Variants in MZF1 observed in about 807,000 individuals in gnomAD.
The protein encoded by MZF1 is myeloid zinc finger 1, also known as zinc finger and SCAN domain-containing protein 6.
MZF1 carries 24 observed loss-of-function variants against 28.6 expected under a neutral mutation model. The ratio of observed to expected loss-of-function variants is 0.84; its 90% CI spans 0.61 to 1.18. The LOEUF is 1.18. Ranked by LOEUF, MZF1 falls within the 50% of genes most tolerant of loss-of-function variation. MZF1 has a pLI of 0.00. For synonymous variants in MZF1, 516 were observed against 432.5 expected (o/e 1.19, Z -2.40); for missense variants, 1,166 against 1,026.4 (o/e 1.14, Z -1.86).
chr19:58,572,412 C>A (rs2054181819), intron 1 of MZF1: 1 of 527,830 alleles, frequency 1.9e-6, no homozygotes, highest in Non-Finnish European at 3.1e-6. Context: ...GGGAGCTTCG[C>A]AATGGGTGGG....
rs1269919855 is a variant in MZF1, at chr19:58,562,834, A to C, written c.1443T>G (p.Pro481=). Residue 481 remains proline, a synonymous_variant, in exon 6 of 6, where the codon CCT becomes CCG. Coordinates refer to ENST00000215057, the MANE Select transcript of MZF1 (RefSeq NM_198055.2). ...KPPAPPGAPE[P]PGPFPCSECR... ...ACTCGCTGCACGGAAAGGGGCCGGG[A>C]GGCTCGGGCGCACCAGGAGGGGCCG... 5 of 1,536,126 alleles carry C rather than the reference A, an allele frequency of 3.3e-6. No individual in the cohort carries two copies. Among genetic ancestry groups the C allele is most frequent in the Non-Finnish European group, 4.4e-6 (5 of 1,147,400 alleles).
At chr19:58,567,524 G>T (rs949158734) in intron 5 of MZF1, among the ~76,000 whole-genome samples, 3 of 152,270 alleles carry the variant, frequency 2.0e-5, no homozygotes, top group African/African-American at 4.8e-5. Flanking sequence ...GCTGGCAGGA[G>T]GCTGAAGTTA....
At position 58,563,003 on chromosome 19, in the gene MZF1, G is replaced by C; in HGVS notation, c.1274C>G (p.Ala425Gly). Reference sequence around the variant, plus strand: ...CACTCTCCGATGCTCTTCCAGGCGCGCGCTGCGCACGAAGCCCTGGCCACA... The same window carrying C: ...CACTCTCCGATGCTCTTCCAGGCGCCCGCTGCGCACGAAGCCCTGGCCACA... ...GDCGQGFVRSARLEEHRRVHT... is the reference protein window; with the variant it reads ...GDCGQGFVRSGRLEEHRRVHT... The change falls in exon 6 of 6, where the codon GCG becomes GGG. Residue 425 changes from alanine to glycine, a missense_variant. Transcript: ENST00000215057. 2 of 1,602,050 alleles carry C rather than the reference G, an allele frequency of 1.2e-6. No homozygotes were observed. The highest frequency in any genetic ancestry group is 1.7e-6 in the Non-Finnish European group (2 of 1,179,686).
At chr19:58,571,576 C>G in intron 1 of MZF1, 147 bp from the exon 2 acceptor site, 3 of 725,228 alleles carry the variant, frequency 4.1e-6, no homozygotes, top group Non-Finnish European at 6.6e-6. Context: ...CTACAACCCA[C>G]AGACTTATGC....
Position 58,571,409 on chromosome 19 carries a change from A to T in MZF1, c.-20T>A. ...CCTCATAGAGGGTACCAGGTCAGGT[A>T]TCTGAGGCCAGTGTCTGCCCCTGGT... On this transcript the variant is annotated 5_prime_UTR_variant, in exon 2 of 6. Transcript: ENST00000215057. 6.2e-7 allele frequency: 1 copy of T among 1,612,596 alleles called. No individual in the cohort carries two copies. Among genetic ancestry groups the T allele is most frequent in the South Asian group, 1.1e-5 (1 of 90,992 alleles).
In MZF1 at chr19:58,562,788, G is replaced by A. The variant is rs974082363; in HGVS notation, c.1489C>T (p.Arg497Cys). 8 of 1,534,232 alleles carry A rather than the reference G, an allele frequency of 5.2e-6. No individual in the cohort carries two copies. Among genetic ancestry groups the A allele is most frequent in the South Asian group, 4.7e-5 (4 of 84,266 alleles). Residue 497 changes from arginine to cysteine, a missense_variant, in exon 6 of 6, where the codon CGC becomes TGC. Coordinates refer to ENST00000215057, the MANE Select transcript of MZF1 (RefSeq NM_198055.2). ...CSECRESFAR[R>C]AVLLEHQAVH... Reference sequence around the variant, plus strand: ...GCCTGGTGCTCCAGCAGCACGGCGCGCCGCGCGAAGCTCTCGCGGCACTCG... The same window carrying A: ...GCCTGGTGCTCCAGCAGCACGGCGCACCGCGCGAAGCTCTCGCGGCACTCG...
In MZF1 at chr19:58,570,378, C is replaced by G; in HGVS notation, c.546G>C (p.Gln182His). ...CTGTAACCTCTGACTCCTCTTTCAC[C>G]TGCAGGCCCAGTGGTGATTCCTGCA... ...RTMQESPLGL[Q>H]VKEESEVTED... The change falls in exon 3 of 6, where the codon CAG becomes CAC. Residue 182 changes from glutamine (Q) to histidine (H), a missense_variant. Gln to His is a conservative substitution (Grantham distance 24). Coordinates refer to ENST00000215057, the MANE Select transcript of MZF1 (RefSeq NM_198055.2). The G allele has an allele frequency of 1.2e-6, 2 of 1,613,540 alleles. No homozygotes were observed. The highest frequency in any genetic ancestry group is 1.7e-6 in the Non-Finnish European group (2 of 1,179,562).
At position 58,563,303 on chromosome 19, in the gene MZF1, C is replaced by G. The variant is rs140195199; in HGVS notation, c.974G>C (p.Gly325Ala). 206 of 1,608,376 alleles carry G rather than the reference C, an allele frequency of 1.3e-4. No homozygotes were observed. The African/African-American group carries it at 2.7e-3, about 21-fold the overall frequency. Residue 325 changes from glycine (G) to alanine (A), a missense_variant, in exon 6 of 6, where the codon GGT becomes GCT. By Grantham distance (60) the Gly-to-Ala change is moderately conservative. Coordinates refer to ENST00000215057, the MANE Select transcript of MZF1 (RefSeq NM_198055.2). ...GGTGGTGATCAGAGCAGGGCCCACA[C>G]CCCGGCAGGGATCCTCGTCCGTGGG... ...QDPTDEDPCR[G>A]VGPALITTRW...
intron 5 of MZF1, chr19:58,564,581 T>C (rs2054002474): frequency 6.6e-6 from 1 of 152,252 alleles, no homozygotes; most frequent in Non-Finnish European, 1.5e-5. Context: ...TTCCACACCC[T>C]GACTGCAGGG....
intron 2 of MZF1, 50 bp downstream of exon 2, chr19:58,570,944 G>A (rs767907900): frequency 2.6e-5 from 40 of 1,542,038 alleles, no homozygotes; most frequent in Non-Finnish European, 3.4e-5. Context: ...GGGTGAGGCC[G>A]AGCTGGATGA....
intron 5 of MZF1, among the ~76,000 whole-genome samples, chr19:58,566,226 C>A (rs888656087): frequency 6.6e-6 from 1 of 151,388 alleles, no homozygotes; most frequent in African/African-American, 2.4e-5. Flanking sequence ...GTGGGCGGAT[C>A]ACCTGAGGTC....
At chr19:58,565,936 C>G (rs1156685823) in intron 5 of MZF1, among the ~76,000 whole-genome samples, 3 of 146,430 alleles carry the variant, frequency 2.0e-5, no homozygotes, top group African/African-American at 5.0e-5. Flanking sequence ...GTCAGGAGAT[C>G]GAGACCATCC....
intron 5 of MZF1, chr19:58,563,813 T>C (rs2053986459): frequency 3.8e-6 from 1 of 262,744 alleles, no homozygotes; most frequent in Non-Finnish European, 7.2e-6. Context: ...AGGTGGAAAA[T>C]GATGGTCTCA....
At position 58,562,427 on chromosome 19, in the gene MZF1, C is replaced by T. The variant is rs2053945517; in HGVS notation, c.1850G>A (p.Arg617Lys). 1.2e-6 allele frequency: 2 copies of T among 1,611,254 alleles called. No homozygotes were observed. The highest frequency in any genetic ancestry group is 1.7e-6 in the Non-Finnish European group (2 of 1,179,146). The change falls in exon 6 of 6, where the codon AGG (arginine) becomes AAG (lysine). Residue 617 changes from arginine (R) to lysine (K), a missense_variant. By Grantham distance (26) the Arg-to-Lys change is conservative. Coordinates refer to ENST00000215057, the MANE Select transcript of MZF1 (RefSeq NM_198055.2). ...SQRLKLTRHQRTHTGEKPYHC... is the reference protein window; with the variant it reads ...SQRLKLTRHQKTHTGEKPYHC... ...GTAGGGCTTTTCGCCGGTGTGTGTCCTCTGATGACGCGTGAGCTTGAGGCG... is the reference window on the plus strand; with the variant it reads ...GTAGGGCTTTTCGCCGGTGTGTGTCTTCTGATGACGCGTGAGCTTGAGGCG...
intron 5 of MZF1, 200 bp downstream of exon 5, chr19:58,569,077 T>C: frequency 1.8e-6 from 1 of 567,668 alleles, no homozygotes; most frequent in Non-Finnish European, 2.9e-6. Flanking sequence ...GGCTGTGGGA[T>C]CAGTGGTAGT....
In MZF1 at chr19:58,570,459, TA is replaced by T; in HGVS notation, c.464del (p.Leu155HisfsTer29). ...CTGGAGTTGGAGGCTCAGTTTCAGG[TA>T]GGGGCTGGAAACTGGAGGGCTCCAT... ...EKMEPSSFQPLPETEPPTPEP... is the reference protein window; with the variant it reads ...EKMEPSSFQPXPETEPPTPEP... On this transcript the variant is annotated frameshift_variant, in exon 3 of 6. Coordinates refer to ENST00000215057, the MANE Select transcript of MZF1 (RefSeq NM_198055.2). LOFTEE classifies it high-confidence loss of function. 1 of 1,613,806 alleles carries T rather than the reference TA, an allele frequency of 6.2e-7. No homozygotes were observed. Among genetic ancestry groups the T allele is most frequent in the Non-Finnish European group, 8.5e-7 (1 of 1,179,838 alleles).
At chr19:58,567,607 A>G (rs1414325135) in intron 5 of MZF1, among the ~76,000 whole-genome samples, 1 of 152,166 alleles carries the variant, frequency 6.6e-6, no homozygotes, top group Non-Finnish European at 1.5e-5. Flanking sequence ...GCCTAGCCAC[A>G]TTGCCCTATG....
rs1473679859 is a variant in MZF1, at chr19:58,570,462, G to A, written c.462C>T (p.Pro154=). The change falls in exon 3 of 6, where the codon CCC becomes CCT. Residue 154 remains proline (P), a synonymous_variant. Coordinates refer to ENST00000215057, the MANE Select transcript of MZF1 (RefSeq NM_198055.2). ...SEKMEPSSFQ[P]LPETEPPTPE... is the part of the protein sequence containing the mutation. ...GAGTTGGAGGCTCAGTTTCAGGTAGGGGCTGGAAACTGGAGGGCTCCATCT... is the reference window on the plus strand; with the variant it reads ...GAGTTGGAGGCTCAGTTTCAGGTAGAGGCTGGAAACTGGAGGGCTCCATCT... 1 of 1,613,930 alleles carries A rather than the reference G, an allele frequency of 6.2e-7. No individual in the cohort carries two copies. Among genetic ancestry groups the A allele is most frequent in the Non-Finnish European group, 8.5e-7 (1 of 1,179,882 alleles).
intron 5 of MZF1, among the ~76,000 whole-genome samples, chr19:58,567,722 A>G (rs1381730089): frequency 6.6e-6 from 1 of 152,208 alleles, no homozygotes; most frequent in Non-Finnish European, 1.5e-5. Flanking sequence ...CCAGCCAGTA[A>G]GCCCCACATC....
Sources: gnomAD v4.1 joint callset for allele counts (sites outside exome capture counted in the v4.1 genomes callset) on GRCh38, gnomAD v4.1.1 for gene constraint, MANE v1.5 for transcripts, NCBI Gene and HGNC (gene_info 2026-07-23, HGNC 2026-07-21) for gene names.